Variants in MYO7A observed in about 807,000 individuals in gnomAD.
MYO7A encodes myosin VIIA, also known as unconventional myosin-VIIa.
In MYO7A, 210 loss-of-function variants were observed where a neutral mutation model predicts 263.8. The ratio of observed to expected loss-of-function variants is 0.80; its 90% confidence interval spans 0.71 to 0.89. The LOEUF (loss-of-function observed/expected upper bound fraction) is 0.89, where lower values mean the gene tolerates loss of function less well. Ranked by LOEUF, MYO7A falls within the 40% of genes least tolerant of loss-of-function variation. The probability of loss-of-function intolerance (pLI) is 0.00; values close to 1 mark genes in which losing one functional copy is unlikely to be tolerated. For synonymous variants in MYO7A, 1,239 were observed against 1,197.3 expected (o/e 1.03, Z -0.72); for missense variants, 2,820 against 2,968.3 (o/e 0.95, Z 1.16).
chr11:77,192,416 C>T lies in MYO7A; in HGVS notation c.4152+138C>T. On this transcript the variant is annotated intron_variant, in intron 31 of 48. Coordinates refer to ENST00000409709, the MANE Select transcript of MYO7A (RefSeq NM_000260.4). ...TGACTGCAACCAGGCACTCTTCAGG[C>T]TCCTGGATGGACACCGCCTACTTCA... The T allele has an allele frequency of 4.7e-6, 4 of 857,378 alleles. No individual in the cohort carries two copies. In the South Asian group the frequency reaches 6.5e-5, roughly 14 times the overall value. The allele number at this position is 857,378 out of a possible 1,614,324, so 53.1% of individuals were successfully genotyped here.
At chr11:77,137,262 G>A (rs112151380) in intron 2 of MYO7A, among the ~76,000 whole-genome samples, 16 of 152,280 alleles carry the variant, frequency 1.1e-4, no homozygotes, top group African/African-American at 3.6e-4. Context: ...GCTGGGACAG[G>A]GAGTGGGGTA....
chr11:77,142,489 A>T, intron 2 of MYO7A: 1 of 596,366 alleles, frequency 1.7e-6, no homozygotes, highest in Non-Finnish European at 3.1e-6. Flanking sequence ...TAAAATGGGA[A>T]TATGGCTGTT....
intron 2 of MYO7A, chr11:77,139,549 C>G (rs1483143568): frequency 6.7e-6 from 1 of 150,150 alleles, no homozygotes; most frequent in Non-Finnish European, 1.5e-5. Flanking sequence ...GGAATGGGGC[C>G]AGATGCAGTG....
intron 34 of MYO7A, 136 bp from the exon 35 acceptor site, chr11:77,199,399 C>T (rs2135677463): frequency 1.1e-6 from 1 of 873,652 alleles, no homozygotes; most frequent in East Asian, 3.0e-5. Flanking sequence ...GTAGGCCGGG[C>T]CACTGTGGGT....
Position 77,156,063 on chromosome 11 carries a change from A to G in MYO7A, c.442A>G (p.Asn148Asp). The G allele has an allele frequency of 2.5e-6, 4 of 1,613,894 alleles. No homozygotes were observed. The highest frequency in any genetic ancestry group is 3.4e-6 in the Non-Finnish European group (4 of 1,179,886). ...ADNCYFNMKR[N>D]SRDQCCIISG... ...CAACTGCTACTTCAACATGAAACGC[A>G]ACAGCCGAGACCAGTGCTGCATCAT... The change falls in exon 5 of 49, where the codon AAC becomes GAC. Residue 148 changes from asparagine (N) to aspartate (D), a missense_variant. Transcript: ENST00000409709.
In MYO7A at chr11:77,175,380, C is replaced by T. The variant is rs1555079443; in HGVS notation, c.2103C>T (p.Leu701=). Residue 701 remains leucine (L), a synonymous_variant, in exon 18 of 49, where the codon CTC becomes CTT. Coordinates refer to ENST00000409709, the MANE Select transcript of MYO7A (RefSeq NM_000260.4). ...GVKPAYKQGD[L]RGTCQRMAEA... The stretch of plus-strand genomic sequence containing the variant: ...CCCCATCCTCACTCCAGGGCGACCT[C>T]CGCGGGACTTGCCAGCGCATGGCTG... 6.2e-7 allele frequency: 1 copy of T among 1,613,242 alleles called. No individual in the cohort carries two copies.
At chr11:77,201,750 T>C (rs1416989967) in intron 36 of MYO7A, 112 bp downstream of exon 36, 7 of 1,237,200 alleles carry the variant, frequency 5.7e-6, no homozygotes, top group Non-Finnish European at 6.7e-6. Context: ...GAAGATGATC[T>C]TGGGATCTTA....
At chr11:77,194,146 G>C (rs1956462059) in intron 31 of MYO7A, 2 of 709,966 alleles carry the variant, frequency 2.8e-6, no homozygotes, top group Non-Finnish European at 5.1e-6. Flanking sequence ...GAGAAGGTGA[G>C]GGTGTGGCCC....
At position 77,207,546 on chromosome 11, in the gene MYO7A, TC is replaced by T; in HGVS notation, c.5856+148del. 7 of 687,658 alleles carry T rather than the reference TC, an allele frequency of 1.0e-5. No homozygotes were observed. In the South Asian group the frequency reaches 1.2e-4, roughly 12 times the overall value. The allele number at this position is 687,658 out of a possible 1,614,324, so 42.6% of individuals were successfully genotyped here. A position where few individuals can be genotyped will look rare whatever the true frequency, so the allele number is the denominator to read the frequency against. Reference sequence around the variant, plus strand: ...GCCATCTTCTTCCATCCCTGCAGCCTCCCCTTACATGGAGTGGCTGCCCCCA... The same window carrying T: ...GCCATCTTCTTCCATCCCTGCAGCCTCCCTTACATGGAGTGGCTGCCCCCA... On this transcript the variant is annotated intron_variant, in intron 42 of 48. Transcript: ENST00000409709.
chr11:77,214,784 C>T lies in MYO7A; in HGVS notation c.*88C>T, dbSNP rs1958052410. 2.7e-6 allele frequency: 3 copies of T among 1,121,784 alleles called. No homozygotes were observed. The highest frequency in any genetic ancestry group is 3.9e-6 in the Non-Finnish European group (3 of 773,568). The allele number at this position is 1,121,784 out of a possible 1,614,324, so 69.5% of individuals were successfully genotyped here. A position where few individuals can be genotyped will look rare whatever the true frequency, so the allele number is the denominator to read the frequency against. ...CAGCTACCCCTGCAGCTGGGGAAGA[C>T]TTATGCCATCCCGGCAGCGAGGCTG... On this transcript the variant is annotated 3_prime_UTR_variant, in exon 49 of 49. Coordinates refer to ENST00000409709, the MANE Select transcript of MYO7A (RefSeq NM_000260.4).
rs1420466814 is a variant in MYO7A at position 77,138,128 on chromosome 11, A to G, written c.19-4581A>G. ...AGTGGGGCTGTGGGGGGTTCGGCCG[A>G]GACGGAGGGGGCCGGGGTGGCGCGG... On this transcript the variant is annotated intron_variant, in intron 2 of 48. Coordinates refer to ENST00000409709, the MANE Select transcript of MYO7A (RefSeq NM_000260.4). The surrounding 1 kb of genome is among the most constrained non-coding windows in gnomAD (Gnocchi z 4.9). Among the ~76,000 whole-genome samples, 24 of 151,890 alleles carry G rather than the reference A, an allele frequency of 1.6e-4. No individual in the cohort carries two copies. Among genetic ancestry groups the G allele is most frequent in the African/African-American group, 5.8e-4 (24 of 41,340 alleles).
chr11:77,179,852 G>A lies in MYO7A; in HGVS notation c.2485G>A (p.Val829Met), dbSNP rs1247618414. The A allele has an allele frequency of 1.9e-6, 3 of 1,542,122 alleles. No homozygotes were observed. The highest frequency in any genetic ancestry group is 2.6e-6 in the Non-Finnish European group (3 of 1,146,830). The change falls in exon 21 of 49, where the codon GTG becomes ATG. Residue 829 changes from valine to methionine, a missense_variant. Physicochemically the swap from Val to Met is conservative, Grantham distance 21. Transcript: ENST00000409709. ...QFQARCRAYL[V>M]RKAFRHRLWA... ...CCAGGCCCGCTGCCGCGCCTATCTG[G>A]TGCGCAAGGCCTTCCGCCACCGCCT...
intron 15 of MYO7A, 121 bp from the exon 16 acceptor site, chr11:77,172,627 A>C (rs1591337389): frequency 1.8e-5 from 23 of 1,310,782 alleles, no homozygotes; most frequent in Non-Finnish European, 2.4e-5. Flanking sequence ...AACTTCAAAT[A>C]CCGCCCTGTC....
chr11:77,154,427 C>T (rs1381089825), intron 4 of MYO7A, among the ~76,000 whole-genome samples: 5 of 152,168 alleles, frequency 3.3e-5, no homozygotes, highest in African/African-American at 1.2e-4. Context: ...AGCCCTGGGC[C>T]ATGTGGGTGT....
intron 17 of MYO7A, 50 bp downstream of exon 17, chr11:77,174,964 C>T: frequency 1.9e-6 from 3 of 1,591,820 alleles, no homozygotes; most frequent in Non-Finnish European, 1.7e-6. Context: ...CCAGCTTTGG[C>T]TGGGCAAGGG....
intron 2 of MYO7A, among the ~76,000 whole-genome samples, chr11:77,134,685 T>A (rs1451503128): frequency 6.6e-6 from 1 of 152,160 alleles, no homozygotes; most frequent in African/African-American, 2.4e-5. Context: ...TGTTCTTTAA[T>A]TTTTTTGTAT....
intron 16 of MYO7A, 146 bp from the exon 17 acceptor site, chr11:77,174,610 G>A (rs1954450621): frequency 2.9e-5 from 22 of 770,378 alleles, no homozygotes; most frequent in Non-Finnish European, 4.4e-5. Context: ...TTGAGCTGCA[G>A]ATCCCGGTGC....
Position 77,158,394 on chromosome 11 carries a change from G to C in MYO7A, c.967G>C (p.Ala323Pro). The C allele has an allele frequency of 6.2e-7, 1 of 1,612,864 alleles. No individual in the cohort carries two copies. The highest frequency in any genetic ancestry group is 8.5e-7 in the Non-Finnish European group (1 of 1,179,782). ...GAACTGGGAGATCTCGAAGCTCCTG[G>C]CTGCCATCCTGCACCTGGGCAACCT... The part of the protein sequence containing the change: ...TENWEISKLL[A>P]AILHLGNLQY... The change falls in exon 9 of 49, where the codon GCT (alanine) becomes CCT (proline). Residue 323 changes from alanine to proline, a missense_variant. Physicochemically the swap from Ala to Pro is conservative, Grantham distance 27. Transcript: ENST00000409709.
At chr11:77,144,880 G>A (rs1392373103) in intron 3 of MYO7A, among the ~76,000 whole-genome samples, 3 of 152,180 alleles carry the variant, frequency 2.0e-5, no homozygotes, top group African/African-American at 4.8e-5. Context: ...GGAGCAAGCT[G>A]TCCCTGCTCA....
Sources: allele counts gnomAD v4.1 joint callset (sites outside exome capture counted in the v4.1 genomes callset), GRCh38; gene constraint gnomAD v4.1.1; non-coding constraint Gnocchi (gnomAD v3.1); transcripts MANE v1.5; gene names NCBI Gene and HGNC (gene_info 2026-07-23, HGNC 2026-07-21).